Variants in EYA3 observed in about 807,000 individuals in gnomAD.
EYA3 encodes protein phosphatase EYA3.
Under a neutral mutation model 80.0 loss-of-function variants are expected in EYA3, and 39 were observed. The ratio of observed to expected loss-of-function variants is 0.49; its 90% CI spans 0.38 to 0.64. The LOEUF (loss-of-function observed/expected upper bound fraction) is 0.64, where lower values mean the gene tolerates loss of function less well. EYA3 is among the 30% of genes least tolerant of loss of function. The pLI is 0.00. For missense variants in EYA3, 523 were observed against 676.1 expected, an observed-to-expected ratio of 0.77 and a Z score of 2.51; for synonymous variants, 206 against 232.8, an observed-to-expected ratio of 0.88 and a Z score of 1.05.
chr1:28,010,927 A>C lies in EYA3; in HGVS notation c.909+20T>G. On this transcript the variant is annotated intron_variant, in intron 10 of 17. Transcript: ENST00000373871. ...GTGAGAAAGAACAAAGTAGGTAACT[A>C]AATCAGTTTCTTCTCATACTTCTAA... The C allele has an allele frequency of 3.1e-6, 5 of 1,605,326 alleles. No individual in the cohort carries two copies. The highest frequency in any genetic ancestry group is 4.2e-6 in the Non-Finnish European group (5 of 1,177,262).
chr1:28,002,982 C>T (rs1218887769), intron 11 of EYA3, among the ~76,000 whole-genome samples: 4 of 151,324 alleles, frequency 2.6e-5, no homozygotes, highest in Admixed American at 6.6e-5. Flanking sequence ...TAGGGCTGGG[C>T]GCAGTGGCTC....
At chr1:28,039,299 T>C (rs919191529) in intron 4 of EYA3, among the ~76,000 whole-genome samples, 3 of 152,248 alleles carry the variant, frequency 2.0e-5, no homozygotes, top group African/African-American at 7.2e-5. Context: ...GAGTGCTTAC[T>C]ATATTGAGTA....
chr1:28,048,228 G>A lies in EYA3; in HGVS notation c.77+155C>T, dbSNP rs556590306. On this transcript the variant is annotated intron_variant, in intron 3 of 17. Transcript: ENST00000373871. ...GTTTCAGGAAAAAACTATTTGGAAA[G>A]GAAATTTTAATCTTAAACCAAATAA... 8.6e-4 allele frequency among the ~76,000 whole-genome samples: 130 copies of A among 151,976 alleles called. 2 individuals are homozygous for A. The highest frequency in any genetic ancestry group is 3.0e-3 in the African/African-American group (124 of 41,460).
chr1:28,055,849 A>G (rs969275179), intron 2 of EYA3, among the ~76,000 whole-genome samples: 4 of 152,206 alleles, frequency 2.6e-5, no homozygotes, highest in African/African-American at 9.6e-5. Flanking sequence ...GGAAGAGTCA[A>G]GAAGAGACAA....
At chr1:28,002,235 G>T (rs1640914754) in intron 11 of EYA3, among the ~76,000 whole-genome samples, 1 of 151,952 alleles carries the variant, frequency 6.6e-6, no homozygotes, top group Admixed American at 6.6e-5. Context: ...TTTTAGTAGA[G>T]ATGGGGTTTC....
At chr1:27,980,748 A>C (rs2148706130) in intron 16 of EYA3, among the ~76,000 whole-genome samples, 1 of 152,344 alleles carries the variant, frequency 6.6e-6, no homozygotes, top group Non-Finnish European at 1.5e-5. Flanking sequence ...CTCTATTAAA[A>C]TATTTCTAGC....
chr1:28,067,470 TAAA>T (rs551834571), intron 1 of EYA3, among the ~76,000 whole-genome samples: 55 of 152,176 alleles, frequency 3.6e-4, no homozygotes, highest in Non-Finnish European at 6.0e-4. Flanking sequence ...AATGCTTATA[TAAA>T]AAATGTTCAA....
In EYA3 at chr1:28,081,782, T is replaced by C. The variant is rs59931223; in HGVS notation, c.-69+6742A>G. The stretch of plus-strand genomic sequence containing the variant: ...TTCACCTAAAAGCTAATCATTCTAA[T>C]GTATTCCCGTAGTAACGGTGCTGAT... On this transcript the variant is annotated intron_variant, in intron 1 of 17. Transcript: ENST00000373871. Among the ~76,000 whole-genome samples the C allele has an allele frequency of 1.4e-3, 216 of 152,340 alleles. 1 individual carries two copies. The highest frequency in any genetic ancestry group is 1.6e-3 in the Non-Finnish European group (106 of 68,018).
At chr1:28,004,212 T>G (rs914997456) in intron 11 of EYA3, 124 bp downstream of exon 11, 1 of 597,604 alleles carries the variant, frequency 1.7e-6, no homozygotes, top group African/African-American at 1.8e-5. Flanking sequence ...TTTGTTGAAG[T>G]TTTACATGGA....
In EYA3 at chr1:27,988,590, T is replaced by C. The variant is rs1302799080; in HGVS notation, c.1485A>G (p.Leu495=). 4 of 1,614,098 alleles carry C rather than the reference T, an allele frequency of 2.5e-6. No homozygotes were observed. The highest frequency in any genetic ancestry group is 1.3e-5 in the African/African-American group (1 of 75,030). ...QLVPALAKVL[L]YGLGEIFPIE... ...TAGGAAATATTTCTCCTAGTCCATA[T>C]AGGAGAACCTTGGCCAGGGCTGGAA... The change falls in exon 16 of 18, where the codon CTA becomes CTG. Residue 495 remains leucine, a synonymous_variant. Coordinates refer to ENST00000373871, the MANE Select transcript of EYA3 (RefSeq NM_001990.4).
chr1:28,029,646 G>A (rs1443577946), intron 6 of EYA3, among the ~76,000 whole-genome samples: 2 of 149,492 alleles, frequency 1.3e-5, no homozygotes, highest in Admixed American at 6.7e-5. Context: ...AGGCTAGAGT[G>A]CAGTGGCACG....
Position 27,972,951 on chromosome 1 carries a change from A to C in EYA3, c.*1515T>G, listed in dbSNP as rs1201767892. 1 of 152,468 alleles carries C rather than the reference A, an allele frequency of 6.6e-6. No individual in the cohort carries two copies. Among genetic ancestry groups the C allele is most frequent in the Non-Finnish European group, 1.5e-5 (1 of 68,250 alleles). The allele number at this position is 152,468 out of a possible 1,614,324, so 9.4% of individuals were successfully genotyped here. ...GCTGGGTGCAGTGGCTCATGCCTACAATCCCAACACTTTGAGAGGCCGAGG... is the reference window on the plus strand; with the variant it reads ...GCTGGGTGCAGTGGCTCATGCCTACCATCCCAACACTTTGAGAGGCCGAGG... On this transcript the variant is annotated 3_prime_UTR_variant, in exon 18 of 18. Transcript: ENST00000373871.
chr1:28,063,264 T>G (rs1644701610), intron 1 of EYA3, among the ~76,000 whole-genome samples: 1 of 150,928 alleles, frequency 6.6e-6, no homozygotes. Context: ...GTATTTTAAG[T>G]TTATTTACTA....
At chr1:27,997,914 A>G (rs1352246651) in intron 12 of EYA3, among the ~76,000 whole-genome samples, 2 of 152,192 alleles carry the variant, frequency 1.3e-5, no homozygotes, top group Non-Finnish European at 2.9e-5. Flanking sequence ...CAATCTCCTC[A>G]TGTTTTAAAA....
At chr1:28,012,300 A>G (rs1641748248) in intron 9 of EYA3, among the ~76,000 whole-genome samples, 1 of 152,214 alleles carries the variant, frequency 6.6e-6, no homozygotes, top group African/African-American at 2.4e-5. Context: ...TATTTAGAAA[A>G]ATGACTTTAA....
chr1:28,075,549 C>T (rs1645170742), intron 1 of EYA3, among the ~76,000 whole-genome samples: 1 of 152,076 alleles, frequency 6.6e-6, no homozygotes, highest in Admixed American at 6.6e-5. Context: ...CTCGATCTAT[C>T]CCTTCCAGTG....
In EYA3 at chr1:27,972,763, G is replaced by A. The variant is rs895531820; in HGVS notation, c.*1703C>T. The A allele has an allele frequency of 2.0e-5, 3 of 152,266 alleles. No individual in the cohort carries two copies. The highest frequency in any genetic ancestry group is 7.2e-5 in the African/African-American group (3 of 41,450). 9.4% of individuals were successfully genotyped at this position (152,266 alleles called of 1,614,324 possible). On this transcript the variant is annotated 3_prime_UTR_variant, in exon 18 of 18. Transcript: ENST00000373871. ...GCCCAAATTGCTCTTGGAGGGATGG[G>A]GCATCCAACAATCATGGCTGGGCTG...
chr1:28,045,309 A>C (rs902106013), intron 3 of EYA3, among the ~76,000 whole-genome samples: 2 of 152,190 alleles, frequency 1.3e-5, no homozygotes, highest in Non-Finnish European at 2.9e-5. Flanking sequence ...AATAGTTAAT[A>C]AAAATAGACT....
chr1:27,974,291 G>A lies in EYA3; in HGVS notation c.*175C>T, dbSNP rs1013710077. 3 of 457,106 alleles carry A rather than the reference G, an allele frequency of 6.6e-6. No homozygotes were observed. Among genetic ancestry groups the A allele is most frequent in the African/African-American group, 2.1e-5 (1 of 47,080 alleles). The allele number at this position is 457,106 out of a possible 1,614,324, so 28.3% of individuals were successfully genotyped here. On this transcript the variant is annotated 3_prime_UTR_variant, in exon 18 of 18. Coordinates refer to ENST00000373871, the MANE Select transcript of EYA3 (RefSeq NM_001990.4). ...AGAGAGAGAGAGAGAGGCAGAGAGGGAGGGAGAGAGGAAGGGAGGGAGGGA... is the reference window on the plus strand; with the variant it reads ...AGAGAGAGAGAGAGAGGCAGAGAGGAAGGGAGAGAGGAAGGGAGGGAGGGA...
Sources: gnomAD v4.1 joint callset for allele counts (sites outside exome capture counted in the v4.1 genomes callset) on GRCh38, gnomAD v4.1.1 for gene constraint, MANE v1.5 for transcripts, NCBI Gene and HGNC (gene_info 2026-07-23, HGNC 2026-07-21) for gene names.